ROBO2: variants seen among roughly 807,000 people sequenced by gnomAD.
The protein encoded by ROBO2 is roundabout homolog 2.
In ROBO2, 53 loss-of-function variants were observed where a neutral mutation model predicts 160.8. The ratio of observed to expected loss-of-function variants is 0.33; its 90% CI spans 0.26 to 0.41. The LOEUF (loss-of-function observed/expected upper bound fraction) is 0.41. Ranked by LOEUF, ROBO2 falls within the 10% of genes least tolerant of loss-of-function variation. ROBO2 has a pLI of 1.00. For missense variants in ROBO2, 1,577 were observed against 1,722.4 expected (o/e 0.92, Z 1.49); for synonymous variants, 664 against 611.7 (o/e 1.09, Z -1.26).
intron 2 of ROBO2, among the ~76,000 whole-genome samples, chr3:76,523,987 T>C (rs1003867392): frequency 2.0e-5 from 1 of 50,676 alleles, no homozygotes; most frequent in Non-Finnish European, 6.7e-5. Flanking sequence ...TGTGTGTGTA[T>C]GTGTGTGTGT....
chr3:76,433,180 G>A (rs2076517351), intron 2 of ROBO2, among the ~76,000 whole-genome samples: 1 of 152,078 alleles, frequency 6.6e-6, no homozygotes, highest in South Asian at 2.1e-4. Context: ...CCTATACTTT[G>A]TAGGATAAGA....
chr3:77,343,054 G>T (rs2067232066), intron 2 of ROBO2, among the ~76,000 whole-genome samples: 1 of 110,506 alleles, frequency 9.0e-6, no homozygotes, highest in Non-Finnish European at 1.9e-5. Flanking sequence ...GGGATAGGTA[G>T]ATGGAGAGAG....
At chr3:77,477,736 G>A (rs2153585569) in intron 3 of ROBO2, among the ~76,000 whole-genome samples, 165 bp downstream of exon 3, 1 of 150,648 alleles carries the variant, frequency 6.6e-6, no homozygotes, top group East Asian at 1.9e-4. Flanking sequence ...GAGACTACAA[G>A]AGACAAAAAT....
At chr3:76,035,515 G>C (rs1166813271) in intron 2 of ROBO2, among the ~76,000 whole-genome samples, 4 of 151,860 alleles carry the variant, frequency 2.6e-5, no homozygotes. Context: ...CTCCAGGGTA[G>C]ATTTTCTCCT....
intron 2 of ROBO2, among the ~76,000 whole-genome samples, chr3:76,749,970 C>G (rs1374704063): frequency 6.6e-6 from 1 of 152,052 alleles, no homozygotes. Context: ...ATCCTGATAC[C>G]AAAGCCGGGC....
chr3:76,897,660 G>A (rs1272081377), intron 2 of ROBO2, among the ~76,000 whole-genome samples: 1 of 151,172 alleles, frequency 6.6e-6, no homozygotes, highest in Non-Finnish European at 1.5e-5. Flanking sequence ...GTGAATGTAT[G>A]TTCTGTTTAC....
intron 2 of ROBO2, among the ~76,000 whole-genome samples, chr3:76,761,780 G>A (rs2061322129): frequency 6.6e-6 from 1 of 151,594 alleles, no homozygotes; most frequent in Non-Finnish European, 1.5e-5. Context: ...TTAGAATATT[G>A]GGTGGCTGAG....
intron 2 of ROBO2, among the ~76,000 whole-genome samples, chr3:77,218,990 T>G (rs2085350349): frequency 6.6e-6 from 1 of 152,186 alleles, no homozygotes; most frequent in African/African-American, 2.4e-5. Flanking sequence ...TTTGTTGAGA[T>G]GGAGTCTTGC....
At chr3:76,075,472 A>ATTTTTT (rs10686575) in intron 2 of ROBO2, among the ~76,000 whole-genome samples, 9 of 143,470 alleles carry the variant, frequency 6.3e-5, no homozygotes, top group African/African-American at 1.5e-4. Context: ...GACTTTTCCT[A>ATTTTTT]TTTTTTTTTT....
chr3:77,209,797 T>G (rs1369104168), intron 2 of ROBO2, among the ~76,000 whole-genome samples: 1 of 152,146 alleles, frequency 6.6e-6, no homozygotes, highest in East Asian at 1.9e-4. Context: ...CTTATCAGAA[T>G]TATTAGGATA....
intron 2 of ROBO2, among the ~76,000 whole-genome samples, chr3:76,552,796 TC>T (rs1249516884): frequency 3.3e-4 from 51 of 152,350 alleles, no homozygotes; most frequent in African/African-American, 1.2e-3. Context: ...TGAAAGTAGT[TC>T]CATTGGGTTC....
At chr3:76,190,400 A>C (rs1272640625) in intron 2 of ROBO2, among the ~76,000 whole-genome samples, 1 of 152,110 alleles carries the variant, frequency 6.6e-6, no homozygotes, top group African/African-American at 2.4e-5. Context: ...ATAAAAACGA[A>C]GTATGTATCA....
At chr3:77,642,373 T>C (rs1358899668) in intron 24 of ROBO2, among the ~76,000 whole-genome samples, 2 of 152,178 alleles carry the variant, frequency 1.3e-5, no homozygotes, top group African/African-American at 2.4e-5. Context: ...GGATGGAATA[T>C]AAACAATGAA....
chr3:76,882,603 A>G (rs548726036), intron 2 of ROBO2, among the ~76,000 whole-genome samples: 1 of 152,264 alleles, frequency 6.6e-6, no homozygotes, highest in East Asian at 1.9e-4. Context: ...CTCAACAAAA[A>G]ATACTCCCAA....
chr3:76,012,933 G>A lies in ROBO2; in HGVS notation c.109+75331G>A, dbSNP rs78061475. On this transcript the variant is annotated intron_variant, in intron 2 of 26. Transcript: ENST00000487694. ...TGGTGACTGGCACGGTGGCTTACGC[G>A]TGTAATCCCAGAAGTAATATGTATA... Among the ~76,000 whole-genome samples the A allele has an allele frequency of 3.4e-5, 5 of 146,554 alleles. No individual in the cohort carries two copies. In the East Asian group the frequency reaches 8.2e-4, roughly 24 times the overall value.
At position 76,235,466 on chromosome 3, in the gene ROBO2, G is replaced by A. The variant is rs143154961; in HGVS notation, c.109+297864G>A. Reference sequence around the variant, plus strand: ...GTCCTGCTGACCTGTCTACGACTGCGGAGAATACATTTTGTTGTTTTTAGC... The same window carrying A: ...GTCCTGCTGACCTGTCTACGACTGCAGAGAATACATTTTGTTGTTTTTAGC... On this transcript the variant is annotated intron_variant, in intron 2 of 26. Coordinates refer to the ROBO2 transcript ENST00000487694. 1.3e-3 allele frequency among the ~76,000 whole-genome samples: 204 copies of A among 152,244 alleles called. 1 individual carries two copies. Among genetic ancestry groups the A allele is most frequent in the African/African-American group, 4.7e-3 (195 of 41,544 alleles).
chr3:76,281,304 C>A (rs1475606086), intron 2 of ROBO2, among the ~76,000 whole-genome samples: 1 of 151,800 alleles, frequency 6.6e-6, no homozygotes, highest in Non-Finnish European at 1.5e-5. Context: ...AGCAACAATG[C>A]ACATAATGAT....
chr3:76,138,996 G>A (rs1340447064), intron 2 of ROBO2, among the ~76,000 whole-genome samples: 1 of 152,200 alleles, frequency 6.6e-6, no homozygotes, highest in South Asian at 2.1e-4. Flanking sequence ...GAATGTTTTG[G>A]CAAGAAATGA....
At chr3:76,130,323 A>G (rs953830117) in intron 2 of ROBO2, among the ~76,000 whole-genome samples, 2 of 152,122 alleles carry the variant, frequency 1.3e-5, no homozygotes, top group African/African-American at 4.8e-5. Flanking sequence ...TGGTAAAACA[A>G]TACAATGCTT....
Sources: gnomAD v4.1 joint callset for allele counts (sites outside exome capture counted in the v4.1 genomes callset) on GRCh38, gnomAD v4.1.1 for gene constraint, MANE v1.5 for transcripts, NCBI Gene and HGNC (gene_info 2026-07-23, HGNC 2026-07-21) for gene names.